Variants in SATB2 observed in about 807,000 individuals in gnomAD.
SATB2 encodes the protein SATB homeobox 2.
A neutral mutation model predicts 73.4 loss-of-function variants in SATB2; 1 was observed. The ratio of observed to expected loss-of-function variants is 0.01; its 90% CI spans 0.00 to 0.06. The LOEUF (loss-of-function observed/expected upper bound fraction) is 0.06, where lower values mean the gene tolerates loss of function less well. SATB2 is among the 10% of genes least tolerant of loss of function. SATB2 has a pLI of 1.00. For missense variants in SATB2, 459 were observed against 945.8 expected (o/e 0.49, Z 6.75); for synonymous variants, 397 against 367.0 (o/e 1.08, Z -0.93).
chr2:199,470,551 T>C (rs889981186), intron 1 of SATB2: 27 of 152,288 alleles, frequency 1.8e-4, no homozygotes, highest in African/African-American at 6.0e-4. Context: ...CTTCACCCTA[T>C]TATTTTCTAT....
At chr2:199,389,700 G>C (rs1690067009) in intron 3 of SATB2, among the ~76,000 whole-genome samples, 1 of 151,914 alleles carries the variant, frequency 6.6e-6, no homozygotes, top group African/African-American at 2.4e-5. Context: ...AACAAAGTAG[G>C]TTTTACCTTT....
At chr2:199,440,644 C>A (rs1450232850) in intron 2 of SATB2, among the ~76,000 whole-genome samples, 1 of 152,102 alleles carries the variant, frequency 6.6e-6, no homozygotes. Flanking sequence ...CTCCAGTTTT[C>A]AACGCTCCTC....
At chr2:199,367,050 G>A (rs1469691280) in intron 6 of SATB2, among the ~76,000 whole-genome samples, 1 of 152,034 alleles carries the variant, frequency 6.6e-6, no homozygotes, top group Admixed American at 6.6e-5. Context: ...TCTTATAACA[G>A]CAAGTAAATG....
chr2:199,404,381 T>A lies in SATB2; in HGVS notation c.347-22561A>T, dbSNP rs1218244553. Among the ~76,000 whole-genome samples the A allele has an allele frequency of 3.3e-5, 5 of 152,186 alleles. No homozygotes were observed. The East Asian group carries it at 9.6e-4, about 29-fold the overall frequency. On this transcript the variant is annotated intron_variant, in intron 3 of 10. Coordinates refer to ENST00000417098, the MANE Select transcript of SATB2 (RefSeq NM_001172509.2). The stretch of plus-strand genomic sequence containing the variant: ...TGGCACCTCTAATTGATATAACCAA[T>A]AACTCTCAGTTAATGATTACTTACT...
At position 199,323,892 on chromosome 2, in the gene SATB2, C is replaced by T; in HGVS notation, c.1453G>A (p.Ala485Thr). ...TGTTGGATCTCGTCATAAATGGCAG[C>T]TGTGATGTTGATGTTGGCGCCGTCC... ...KVDGANINITAAIYDEIQQEM... is the reference protein window; with the variant it reads ...KVDGANINITTAIYDEIQQEM... Residue 485 changes from alanine (A) to threonine (T), a missense_variant, in exon 9 of 11, where the codon GCT becomes ACT. By Grantham distance (58) the Ala-to-Thr change is moderately conservative. Coordinates refer to ENST00000417098, the MANE Select transcript of SATB2 (RefSeq NM_001172509.2). 6.2e-7 allele frequency: 1 copy of T among 1,613,430 alleles called. No homozygotes were observed. Among genetic ancestry groups the T allele is most frequent in the East Asian group, 2.2e-5 (1 of 44,856 alleles).
intron 2 of SATB2, among the ~76,000 whole-genome samples, chr2:199,442,881 C>CT (rs1434621436): frequency 6.6e-6 from 1 of 152,102 alleles, no homozygotes. Flanking sequence ...TCTTCAGGTT[C>CT]TTTTTACGAT....
chr2:199,338,844 G>A (rs2084216), intron 7 of SATB2, among the ~76,000 whole-genome samples: 2,973 of 151,042 alleles, frequency 0.02, 97 homozygotes, highest in African/African-American at 0.067. Context: ...TTGAACCTAG[G>A]AGGCAGAGGT....
At chr2:199,364,197 C>T (rs1460075421) in intron 6 of SATB2, among the ~76,000 whole-genome samples, 3 of 152,174 alleles carry the variant, frequency 2.0e-5, no homozygotes, top group African/African-American at 7.2e-5. Flanking sequence ...AACATTGTAT[C>T]ATTTCAGCTA....
intron 3 of SATB2, among the ~76,000 whole-genome samples, chr2:199,386,807 T>C (rs926427533): frequency 2.6e-4 from 40 of 151,802 alleles, no homozygotes; most frequent in Admixed American, 2.3e-3. Context: ...GCTAAATGCA[T>C]GGCAATTTCC....
intron 7 of SATB2, among the ~76,000 whole-genome samples, chr2:199,332,264 G>A (rs1399656581): frequency 6.6e-6 from 1 of 152,068 alleles, no homozygotes; most frequent in Non-Finnish European, 1.5e-5. Flanking sequence ...AGTGTTAGCC[G>A]AGATTATGTA....
rs79014392 is a variant in SATB2 at position 199,361,330 on chromosome 2, T to C, written c.700+7275A>G. 3.0e-4 allele frequency among the ~76,000 whole-genome samples: 46 copies of C among 152,046 alleles called. 1 individual carries two copies. Among genetic ancestry groups the C allele is most frequent in the African/African-American group, 8.0e-4 (33 of 41,504 alleles). ...CTCTTTCTCATTCTCATACCCCTAC[T>C]TACTCTCACCAAGTCTCATGGCTCT... On this transcript the variant is annotated intron_variant, in intron 6 of 10. Transcript: ENST00000417098.
At chr2:199,456,282 GC>G (rs960304246) in intron 1 of SATB2, among the ~76,000 whole-genome samples, 186 bp from the exon 2 acceptor site, 7 of 152,242 alleles carry the variant, frequency 4.6e-5, no homozygotes, top group African/African-American at 1.7e-4. Flanking sequence ...CCCCCAGGAA[GC>G]CCAGCGCCTC....
At chr2:199,359,729 G>T (rs1035609628) in intron 6 of SATB2, among the ~76,000 whole-genome samples, 1 of 152,206 alleles carries the variant, frequency 6.6e-6, no homozygotes, top group Non-Finnish European at 1.5e-5. Context: ...CTCTACCTCT[G>T]AAGTTCTTTC....
At chr2:199,302,122 C>T (rs1687304311) in intron 10 of SATB2, among the ~76,000 whole-genome samples, 1 of 152,118 alleles carries the variant, frequency 6.6e-6, no homozygotes, top group African/African-American at 2.4e-5. Flanking sequence ...ACTTTGCCTG[C>T]CTACTTTTTA....
At chr2:199,466,719 C>T (rs1399489732), upstream of SATB2, among the ~76,000 whole-genome samples, 1 of 152,228 alleles carries the variant, frequency 6.6e-6, no homozygotes, top group African/African-American at 2.4e-5. Flanking sequence ...TAGGGTGTCT[C>T]ACATTACTTC....
intron 9 of SATB2, among the ~76,000 whole-genome samples, chr2:199,312,383 G>A (rs1216857038): frequency 6.6e-6 from 1 of 152,268 alleles, no homozygotes; most frequent in East Asian, 1.9e-4. Context: ...AAGGTTGGCT[G>A]TATATTCCTA....
chr2:199,359,121 C>T (rs1193558296), intron 6 of SATB2, among the ~76,000 whole-genome samples: 1 of 152,090 alleles, frequency 6.6e-6, no homozygotes, highest in African/African-American at 2.4e-5. Context: ...CTGCCTTTGT[C>T]AGTTGGCATT....
upstream of SATB2, chr2:199,469,764 T>G (rs1390670846): frequency 1.3e-5 from 2 of 152,322 alleles, no homozygotes; most frequent in Non-Finnish European, 2.9e-5. Flanking sequence ...TATCAGCAAC[T>G]TCAGAAATAA....
intron 3 of SATB2, chr2:199,396,837 T>A (rs1690316282): frequency 6.6e-6 from 1 of 152,208 alleles, no homozygotes; most frequent in South Asian, 2.1e-4. Flanking sequence ...CTAATCTGCA[T>A]AAAATGAAGC....
Sources: allele counts gnomAD v4.1 joint callset (sites outside exome capture counted in the v4.1 genomes callset), GRCh38; gene constraint gnomAD v4.1.1; transcripts MANE v1.5; gene names NCBI Gene and HGNC (gene_info 2026-07-23, HGNC 2026-07-21).